The following PRKG1 variants were observed in gnomAD, a reference collection of about 807,000 sequenced individuals.
The protein encoded by PRKG1 is cGMP-dependent protein kinase 1.
In PRKG1, 35 loss-of-function variants were observed where a neutral mutation model predicts 88.1. The observed-to-expected ratio is 0.40, with a 90% CI of 0.30 to 0.53. PRKG1 has a LOEUF of 0.53. Among genes scored for constraint, PRKG1 ranks in the 20% least tolerant of loss-of-function variants. The probability of loss-of-function intolerance (pLI) is 0.59; values close to 1 mark genes in which losing one functional copy is unlikely to be tolerated. For synonymous variants in PRKG1, 303 were observed against 292.5 expected (o/e 1.04, Z -0.37); for missense variants, 540 against 839.8 (o/e 0.64, Z 4.41).
chr10:51,305,257 C>A (rs1162518390), intron 2 of PRKG1, among the ~76,000 whole-genome samples: 2 of 152,164 alleles, frequency 1.3e-5, no homozygotes, highest in Non-Finnish European at 2.9e-5. Context: ...TCTCCCACCA[C>A]CAAAATTTTC....
At chr10:52,069,821 C>T (rs1327013057) in intron 7 of PRKG1, among the ~76,000 whole-genome samples, 1 of 151,516 alleles carries the variant, frequency 6.6e-6, no homozygotes, top group African/African-American at 2.4e-5. Flanking sequence ...AAATTTTACC[C>T]ATGTGAAATA....
chr10:52,143,954 G>A (rs1449269298), intron 8 of PRKG1, among the ~76,000 whole-genome samples: 2 of 152,158 alleles, frequency 1.3e-5, no homozygotes, highest in African/African-American at 4.8e-5. Flanking sequence ...CCAAACAGAT[G>A]CATTCAAAAA....
chr10:51,113,746 A>AAAAAAAAAAAAAAAC (rs1564605217), intron 1 of PRKG1, among the ~76,000 whole-genome samples: 1 of 143,308 alleles, frequency 7.0e-6, no homozygotes, highest in Non-Finnish European at 1.5e-5. Flanking sequence ...AAAAAAAAAA[A>AAAAAAAAAAAAAAAC]AAACTAAAAG....
chr10:51,166,661 T>C (rs988536046), intron 2 of PRKG1, among the ~76,000 whole-genome samples: 2 of 152,224 alleles, frequency 1.3e-5, no homozygotes, highest in African/African-American at 4.8e-5. Context: ...ACATCAATTC[T>C]AGTACTCAAA....
intron 7 of PRKG1, among the ~76,000 whole-genome samples, chr10:52,106,153 A>T (rs1474869609): frequency 6.6e-6 from 1 of 152,218 alleles, no homozygotes; most frequent in African/African-American, 2.4e-5. Flanking sequence ...AAATAGCAAT[A>T]AAATAACAGA....
At chr10:52,234,031 G>A (rs1241104934) in intron 9 of PRKG1, among the ~76,000 whole-genome samples, 1 of 151,790 alleles carries the variant, frequency 6.6e-6, no homozygotes, top group South Asian at 2.1e-4. Flanking sequence ...GTCTAACTGG[G>A]AGGCACCCCC....
intron 2 of PRKG1, among the ~76,000 whole-genome samples, chr10:51,175,380 A>T (rs1440218189): frequency 6.6e-6 from 1 of 152,018 alleles, no homozygotes; most frequent in Admixed American, 6.6e-5. Context: ...AACCTGTAGC[A>T]TGAGTTTTTT....
At chr10:51,301,125 C>A (rs1216972277) in intron 2 of PRKG1, among the ~76,000 whole-genome samples, 1 of 152,168 alleles carries the variant, frequency 6.6e-6, no homozygotes, top group Non-Finnish European at 1.5e-5. Flanking sequence ...TAGAGTCCAG[C>A]AACAGATTAG....
chr10:51,254,362 A>C (rs973297480), intron 2 of PRKG1, among the ~76,000 whole-genome samples: 4 of 151,886 alleles, frequency 2.6e-5, no homozygotes, highest in African/African-American at 4.8e-5. Context: ...AGATTATTAG[A>C]TTTTTTGCAT....
intron 9 of PRKG1, among the ~76,000 whole-genome samples, chr10:52,244,830 A>ATTTAAATATG (rs1589729895): frequency 1.7e-5 from 1 of 58,788 alleles, no homozygotes; most frequent in Non-Finnish European, 4.6e-5. Flanking sequence ...ATTTAAATAT[A>ATTTAAATATG]CTTTAATATA....
At chr10:51,609,151 C>T (rs1391937379) in intron 3 of PRKG1, among the ~76,000 whole-genome samples, 2 of 151,780 alleles carry the variant, frequency 1.3e-5, no homozygotes, top group Non-Finnish European at 2.9e-5. Flanking sequence ...AGGTTAGTTA[C>T]ATATGTATAC....
At chr10:51,955,192 G>T (rs965269069) in intron 5 of PRKG1, among the ~76,000 whole-genome samples, 1 of 152,024 alleles carries the variant, frequency 6.6e-6, no homozygotes, top group African/African-American at 2.4e-5. Flanking sequence ...TCACAAATTG[G>T]TCTCTAGCCT....
intron 3 of PRKG1, among the ~76,000 whole-genome samples, chr10:51,661,050 G>C (rs1840286174): frequency 6.6e-6 from 1 of 151,844 alleles, no homozygotes; most frequent in Admixed American, 6.6e-5. Context: ...TTGTTAGAAT[G>C]GATTTTCCAA....
intron 2 of PRKG1, among the ~76,000 whole-genome samples, chr10:51,399,017 G>A (rs182378321): frequency 3.3e-5 from 5 of 152,084 alleles, no homozygotes; most frequent in Non-Finnish European, 5.9e-5. Flanking sequence ...AGCAGTCCTG[G>A]GCCTCCAGCT....
chr10:51,063,923 T>C (rs890488938), intron 1 of PRKG1, among the ~76,000 whole-genome samples: 1 of 152,226 alleles, frequency 6.6e-6, no homozygotes, highest in Non-Finnish European at 1.5e-5. Flanking sequence ...AGAGATAAAT[T>C]TGAAGAATGT....
intron 1 of PRKG1, among the ~76,000 whole-genome samples, chr10:51,042,761 C>T (rs1162167940): frequency 2.6e-5 from 4 of 152,076 alleles, no homozygotes; most frequent in Non-Finnish European, 5.9e-5. Flanking sequence ...ATGTTTTTGT[C>T]CCCCACAATT....
At chr10:51,162,749 C>T (rs1846397773) in intron 2 of PRKG1, among the ~76,000 whole-genome samples, 2 of 151,976 alleles carry the variant, frequency 1.3e-5, no homozygotes, top group African/African-American at 4.8e-5. Context: ...GAGACAGGAT[C>T]TCACTCTTTC....
At chr10:52,202,016 T>G (rs545197083) in intron 9 of PRKG1, among the ~76,000 whole-genome samples, 1 of 152,270 alleles carries the variant, frequency 6.6e-6, no homozygotes, top group African/African-American at 2.4e-5. Flanking sequence ...ATAGTTTGAC[T>G]TCCTCTCTTC....
chr10:52,066,304 C>T (rs1242219702), intron 7 of PRKG1, among the ~76,000 whole-genome samples: 1 of 152,116 alleles, frequency 6.6e-6, no homozygotes, highest in Non-Finnish European at 1.5e-5. Flanking sequence ...AATATTATGT[C>T]CTCAACTGTA....
Sources: gnomAD v4.1 joint callset for allele counts (sites outside exome capture counted in the v4.1 genomes callset) on GRCh38, gnomAD v4.1.1 for gene constraint, MANE v1.5 for transcripts, NCBI Gene and HGNC (gene_info 2026-07-23, HGNC 2026-07-21) for gene names.